The following RERE variants were observed in gnomAD, a reference collection of about 807,000 sequenced individuals.
RERE encodes arginine-glutamic acid dipeptide repeats, also known as arginine-glutamic acid dipeptide repeats protein.
A neutral mutation model predicts 146.1 loss-of-function variants in RERE; 40 were observed. That is an observed-to-expected ratio of 0.27 (90% CI 0.21 to 0.36). RERE has a LOEUF of 0.36. Ranked by LOEUF, RERE falls within the 10% of genes least tolerant of loss-of-function variation. RERE has a pLI of 1.00. For synonymous variants in RERE, 1,003 were observed against 866.0 expected (o/e 1.16, Z -2.78); for missense variants, 1,933 against 2,138.7 (o/e 0.90, Z 1.90).
intron 1 of RERE, among the ~76,000 whole-genome samples, chr1:8,732,050 A>G (rs1640097447): frequency 2.0e-5 from 3 of 152,010 alleles, no homozygotes; most frequent in Admixed American, 6.6e-5. Flanking sequence ...TGATCTGCCC[A>G]CCTCAGCCTC....
intron 12 of RERE, among the ~76,000 whole-genome samples, chr1:8,370,310 T>C (rs1041984865): frequency 4.6e-5 from 7 of 151,694 alleles, no homozygotes; most frequent in Admixed American, 2.6e-4. Context: ...AAAACCAAAC[T>C]AGCGGTTGCC....
intron 1 of RERE, among the ~76,000 whole-genome samples, chr1:8,733,145 G>C (rs1329544945): frequency 6.6e-6 from 1 of 151,984 alleles, no homozygotes; most frequent in Non-Finnish European, 1.5e-5. Flanking sequence ...ATCTAAAAGT[G>C]TTCTAAAGTA....
chr1:8,376,155 A>T (rs1157404041), intron 12 of RERE, among the ~76,000 whole-genome samples: 1 of 152,208 alleles, frequency 6.6e-6, no homozygotes, highest in African/African-American at 2.4e-5. Flanking sequence ...ACTAAGAGGA[A>T]ATAGCCATCT....
At chr1:8,428,532 A>G (rs1304668006) in intron 11 of RERE, 1 of 152,224 alleles carries the variant, frequency 6.6e-6, no homozygotes, top group Non-Finnish European at 1.5e-5. Context: ...ATCACCATCA[A>G]AAGTTACCTA....
chr1:8,636,441 G>T (rs1647102967), intron 2 of RERE, among the ~76,000 whole-genome samples: 1 of 152,028 alleles, frequency 6.6e-6, no homozygotes, highest in Admixed American at 6.6e-5. Context: ...GGCTGAGGTG[G>T]GAGGATCTCT....
intron 12 of RERE, among the ~76,000 whole-genome samples, chr1:8,375,625 C>CCTCGCTCAGCAGCCACTGAAAATGT (rs1642213404): frequency 8.6e-6 from 1 of 116,150 alleles, no homozygotes; most frequent in Non-Finnish European, 1.9e-5. Flanking sequence ...ACTGAAAATG[C>CCTCGCTCAGCAGCCACTGAAAATGT]TTCCTCACTC....
intron 1 of RERE, among the ~76,000 whole-genome samples, chr1:8,665,584 C>T (rs931290059): frequency 1.3e-5 from 2 of 152,006 alleles, no homozygotes; most frequent in Non-Finnish European, 2.9e-5. Context: ...AAAGAGAAGG[C>T]GAAAGACAGT....
chr1:8,623,556 T>C (rs1346165851), intron 3 of RERE, among the ~76,000 whole-genome samples: 1 of 152,192 alleles, frequency 6.6e-6, no homozygotes, highest in African/African-American at 2.4e-5. Flanking sequence ...GAAAAATCGT[T>C]GTCCAGACGT....
At position 8,355,086 on chromosome 1, in the gene RERE, C is replaced by G. The variant is rs768447382; in HGVS notation, c.*1G>C. On this transcript the variant is annotated 3_prime_UTR_variant, in exon 23 of 23. Transcript: ENST00000400908. ...ACAGCCAGCGTTAACAAATAAATAA[C>G]TTATAACTGCTTGTCACCTTCTTTC... 90 of 1,613,674 alleles carry G rather than the reference C, an allele frequency of 5.6e-5. No individual in the cohort carries two copies. The highest frequency in any genetic ancestry group is 7.5e-5 in the Non-Finnish European group (88 of 1,179,808).
chr1:8,434,247 A>C (rs994816515), intron 11 of RERE, among the ~76,000 whole-genome samples: 2 of 151,834 alleles, frequency 1.3e-5, no homozygotes, highest in African/African-American at 4.8e-5. Flanking sequence ...GTCCCAGCTG[A>C]CTCTTCTGAT....
intron 10 of RERE, among the ~76,000 whole-genome samples, chr1:8,491,625 C>T (rs533930038): frequency 6.6e-6 from 1 of 152,028 alleles, no homozygotes; most frequent in South Asian, 2.1e-4. Context: ...CTCAAACAAA[C>T]AAACAAACAA....
chr1:8,697,528 G>T (rs1639358828), intron 1 of RERE, among the ~76,000 whole-genome samples: 1 of 151,880 alleles, frequency 6.6e-6, no homozygotes, highest in Admixed American at 6.6e-5. Context: ...GAGTAGCTGG[G>T]ACTACAGGCA....
At chr1:8,500,105 A>AGCAAGACTCT (rs1645109693) in intron 8 of RERE, among the ~76,000 whole-genome samples, 1 of 152,226 alleles carries the variant, frequency 6.6e-6, no homozygotes, top group African/African-American at 2.4e-5. Flanking sequence ...TGGGTGACAG[A>AGCAAGACTCT]GCAAGACTCT....
intron 4 of RERE, among the ~76,000 whole-genome samples, chr1:8,605,768 A>C (rs1646698475): frequency 7.3e-6 from 1 of 136,446 alleles, no homozygotes; most frequent in Admixed American, 7.1e-5. Context: ...AAAAAAAAAA[A>C]AAACCCCTAA....
chr1:8,694,978 G>T lies in RERE; in HGVS notation c.-144-38537C>A, dbSNP rs552005601. On this transcript the variant is annotated intron_variant, in intron 1 of 22. Coordinates refer to ENST00000400908, the MANE Select transcript of RERE (RefSeq NM_001042681.2). ...AAAGAGCCAAAGAAATCCTAAGGGG[G>T]GGGGGGGAATGCTGGCAGCATCACA... Among the ~76,000 whole-genome samples, 25 of 94,648 alleles carry T rather than the reference G, an allele frequency of 2.6e-4. 5 individuals carry two copies. Among genetic ancestry groups the T allele is most frequent in the African/African-American group, 5.3e-4 (17 of 32,364 alleles). 62.1% of individuals were successfully genotyped at this position (94,648 alleles called of 152,430 possible).
intron 12 of RERE, among the ~76,000 whole-genome samples, chr1:8,370,398 T>C (rs1015522703): frequency 5.3e-5 from 8 of 152,118 alleles, no homozygotes; most frequent in Admixed American, 3.9e-4. Flanking sequence ...GCTCTGTAAG[T>C]TGAATGTGGT....
At chr1:8,414,126 C>G (rs886668836) in intron 12 of RERE, among the ~76,000 whole-genome samples, 16 of 151,712 alleles carry the variant, frequency 1.1e-4, no homozygotes, top group Non-Finnish European at 5.9e-5. Flanking sequence ...CCACCTGGCC[C>G]CTTCACTAGG....
intron 1 of RERE, among the ~76,000 whole-genome samples, chr1:8,713,174 A>G (rs1639701458): frequency 6.6e-6 from 1 of 152,258 alleles, no homozygotes; most frequent in South Asian, 2.1e-4. Flanking sequence ...TATAAAGGCT[A>G]AGGAAAAACC....
chr1:8,728,675 G>T (rs1640021092), intron 1 of RERE, among the ~76,000 whole-genome samples: 2 of 152,094 alleles, frequency 1.3e-5, no homozygotes, highest in Non-Finnish European at 1.5e-5. Flanking sequence ...CCTCAAAAAA[G>T]AAACTAAAAC....
Sources: gnomAD v4.1 joint callset for allele counts (sites outside exome capture counted in the v4.1 genomes callset) on GRCh38, gnomAD v4.1.1 for gene constraint, MANE v1.5 for transcripts, NCBI Gene and HGNC (gene_info 2026-07-23, HGNC 2026-07-21) for gene names.